Variants in PCDH9 observed in about 807,000 individuals in gnomAD.
PCDH9 encodes protocadherin 9, also known as protocadherin-9.
A neutral mutation model predicts 70.6 loss-of-function variants in PCDH9; 24 were observed. The observed-to-expected ratio is 0.34, with a 90% confidence interval of 0.25 to 0.48. The LOEUF is 0.48. Among genes scored for constraint, PCDH9 ranks in the 20% least tolerant of loss-of-function variants. The pLI, the probability that PCDH9 is intolerant of heterozygous loss-of-function variation, is 0.99. For missense variants in PCDH9, 1,281 were observed against 1,503.6 expected (o/e 0.85, Z 2.45); for synonymous variants, 562 against 558.5 (o/e 1.01, Z -0.09).
At chr13:66,437,490 T>A in intron 4 of PCDH9, among the ~76,000 whole-genome samples, 1 of 144,080 alleles carries the variant, frequency 6.9e-6, no homozygotes, top group African/African-American at 2.6e-5. Context: ...CAGAAAAGGG[T>A]AGCAAAGAGG....
intron 3 of PCDH9, among the ~76,000 whole-genome samples, chr13:66,706,713 T>C (rs1313301968): frequency 6.6e-6 from 1 of 152,214 alleles, no homozygotes. Context: ...GAGGCCAGCA[T>C]TGGTTTTATT....
chr13:67,058,253 C>G (rs143155316), intron 2 of PCDH9, among the ~76,000 whole-genome samples: 3 of 152,074 alleles, frequency 2.0e-5, no homozygotes, highest in Non-Finnish European at 4.4e-5. Flanking sequence ...TCCACACACA[C>G]GTGCGAACAT....
intron 3 of PCDH9, among the ~76,000 whole-genome samples, chr13:66,857,122 GC>G (rs926694161): frequency 2.5e-4 from 38 of 151,344 alleles, no homozygotes; most frequent in African/African-American, 9.2e-4. Context: ...ATTTAATCAC[GC>G]CCATTAAATT....
chr13:66,359,917 A>C (rs1220951773), intron 4 of PCDH9, among the ~76,000 whole-genome samples: 1 of 152,142 alleles, frequency 6.6e-6, no homozygotes, highest in African/African-American at 2.4e-5. Flanking sequence ...ATACATAAAA[A>C]GATGAATATG....
At chr13:66,980,244 C>A (rs1040792272) in intron 2 of PCDH9, among the ~76,000 whole-genome samples, 1 of 151,928 alleles carries the variant, frequency 6.6e-6, no homozygotes, top group Non-Finnish European at 1.5e-5. Context: ...ATTCTTAATG[C>A]CTCTATCTCC....
intron 3 of PCDH9, among the ~76,000 whole-genome samples, chr13:66,653,429 A>G (rs1407148334): frequency 6.6e-6 from 1 of 152,182 alleles, no homozygotes. Context: ...ATCATTGATC[A>G]TCAGAGAAAT....
intron 4 of PCDH9, among the ~76,000 whole-genome samples, chr13:66,333,329 C>T (rs1489622100): frequency 6.6e-6 from 1 of 152,108 alleles, no homozygotes; most frequent in Non-Finnish European, 1.5e-5. Flanking sequence ...CTGAAATTCC[C>T]TTTGCTACAC....
chr13:66,486,846 T>C (rs943851708), intron 4 of PCDH9, among the ~76,000 whole-genome samples: 1 of 152,092 alleles, frequency 6.6e-6, no homozygotes, highest in African/African-American at 2.4e-5. Context: ...GTACTGACAA[T>C]ATGTGTGTGG....
At chr13:66,794,573 C>A (rs1362224168) in intron 3 of PCDH9, among the ~76,000 whole-genome samples, 1 of 152,098 alleles carries the variant, frequency 6.6e-6, no homozygotes, top group African/African-American at 2.4e-5. Flanking sequence ...ATAACAGCCA[C>A]CATTATCACC....
intron 3 of PCDH9, among the ~76,000 whole-genome samples, chr13:66,644,360 T>G (rs1387277096): frequency 6.6e-6 from 1 of 151,906 alleles, no homozygotes; most frequent in Non-Finnish European, 1.5e-5. Flanking sequence ...GGGAAAACTG[T>G]GTTCAATAAG....
At chr13:66,413,927 T>C (rs1209472737) in intron 4 of PCDH9, among the ~76,000 whole-genome samples, 2 of 152,068 alleles carry the variant, frequency 1.3e-5, no homozygotes, top group Non-Finnish European at 2.9e-5. Flanking sequence ...CAGTTTCAGA[T>C]TTTAAACTGG....
At chr13:67,013,652 C>G (rs1195291313) in intron 2 of PCDH9, among the ~76,000 whole-genome samples, 1 of 151,828 alleles carries the variant, frequency 6.6e-6, no homozygotes, top group Non-Finnish European at 1.5e-5. Context: ...TGAGCCTGCT[C>G]ACTTATCATT....
chr13:66,883,117 C>G (rs1227721140), intron 3 of PCDH9, among the ~76,000 whole-genome samples: 2 of 152,116 alleles, frequency 1.3e-5, no homozygotes, highest in Non-Finnish European at 2.9e-5. Flanking sequence ...AAGCCCTGGA[C>G]AAACTTTGAT....
chr13:67,143,486 T>G (rs1392269031), intron 2 of PCDH9, among the ~76,000 whole-genome samples: 1 of 152,180 alleles, frequency 6.6e-6, no homozygotes, highest in Admixed American at 6.6e-5. Flanking sequence ...ACCAGGTCAT[T>G]CATTTCTCCC....
intron 3 of PCDH9, among the ~76,000 whole-genome samples, chr13:66,671,368 A>G (rs543448609): frequency 6.6e-6 from 1 of 152,348 alleles, no homozygotes; most frequent in South Asian, 2.1e-4. Flanking sequence ...ACTGGGTAAC[A>G]GGCAGAGGTT....
chr13:66,634,923 G>A (rs115077911), intron 3 of PCDH9, among the ~76,000 whole-genome samples: 1,602 of 152,162 alleles, frequency 0.011, 30 homozygotes, highest in African/African-American at 0.035. Context: ...CTTAGTGTGG[G>A]GTGGGAAAGA....
At chr13:66,743,572 C>T (rs2079307003) in intron 3 of PCDH9, among the ~76,000 whole-genome samples, 1 of 151,906 alleles carries the variant, frequency 6.6e-6, no homozygotes, top group Non-Finnish European at 1.5e-5. Flanking sequence ...GCCAAGAGAT[C>T]TATGGTGTAA....
At chr13:67,159,125 T>C (rs933304855) in intron 2 of PCDH9, among the ~76,000 whole-genome samples, 1 of 152,156 alleles carries the variant, frequency 6.6e-6, no homozygotes, top group Non-Finnish European at 1.5e-5. Flanking sequence ...ACGATTTCTT[T>C]GAGATCCTGC....
chr13:66,817,943 T>C (rs2080637938), intron 3 of PCDH9, among the ~76,000 whole-genome samples: 1 of 152,160 alleles, frequency 6.6e-6, no homozygotes, highest in African/African-American at 2.4e-5. Flanking sequence ...TTTATTTTTA[T>C]ATAGATAAAT....
Sources: allele counts gnomAD v4.1 joint callset (sites outside exome capture counted in the v4.1 genomes callset), GRCh38; gene constraint gnomAD v4.1.1; transcripts MANE v1.5; gene names NCBI Gene and HGNC (gene_info 2026-07-23, HGNC 2026-07-21).